The following BSN variants were observed in gnomAD, a reference collection of about 807,000 sequenced individuals.
BSN encodes the protein protein bassoon.
In BSN, 57 loss-of-function variants were observed where a neutral mutation model predicts 264.8. The observed-to-expected ratio is 0.22, with a 90% CI of 0.17 to 0.27. BSN has a LOEUF of 0.27. BSN is among the 10% of genes least tolerant of loss of function. The pLI, the probability that BSN is intolerant of heterozygous loss-of-function variation, is 1.00. For synonymous variants in BSN, 2,059 were observed against 2,137.3 expected (o/e 0.96, Z 1.01); for missense variants, 4,615 against 5,232.5 (o/e 0.88, Z 3.64).
chr3:49,581,901 C>T (rs548701646), intron 1 of BSN, among the ~76,000 whole-genome samples: 5 of 152,112 alleles, frequency 3.3e-5, no homozygotes, highest in Admixed American at 2.6e-4. Flanking sequence ...TGGAACATAT[C>T]CCCTGAGGAT....
chr3:49,575,662 A>G (rs35671732), intron 1 of BSN, among the ~76,000 whole-genome samples: 2,740 of 93,090 alleles, frequency 0.029, 45 homozygotes, highest in African/African-American at 0.056. Flanking sequence ...GTGTGTGTAT[A>G]TATATATATA....
chr3:49,615,282 T>C (rs2052250978), intron 1 of BSN, among the ~76,000 whole-genome samples: 2 of 152,144 alleles, frequency 1.3e-5, no homozygotes, highest in Admixed American at 6.5e-5. Context: ...GGTTCCTTCA[T>C]GTGGGTTTGT....
chr3:49,591,640 CA>C (rs1421598714), intron 1 of BSN, among the ~76,000 whole-genome samples: 2 of 152,014 alleles, frequency 1.3e-5, no homozygotes, highest in African/African-American at 4.8e-5. Flanking sequence ...CTCTGTCACC[CA>C]GGCTGTAGTG....
chr3:49,605,766 A>T (rs1308046698), intron 1 of BSN, among the ~76,000 whole-genome samples: 1 of 79,078 alleles, frequency 1.3e-5, no homozygotes, highest in African/African-American at 5.1e-5. Flanking sequence ...AAATATATAT[A>T]AAAATATATA....
chr3:49,660,600 G>A lies in BSN; in HGVS notation c.8755G>A (p.Ala2919Thr), dbSNP rs2052645579. 1 of 1,612,680 alleles carries A rather than the reference G, an allele frequency of 6.2e-7. No individual in the cohort carries two copies. Among genetic ancestry groups the A allele is most frequent in the Non-Finnish European group, 8.5e-7 (1 of 1,179,698 alleles). ...TGGCCAGGCCTCCCCACAGCTGTAT[G>A]CAGCCAGCCTGCTGCAGCGAGGGCT... ...LAGQASPQLY[A>T]ASLLQRGLTG... Residue 2919 changes from alanine (A) to threonine (T), a missense_variant, in exon 6 of 12, where the codon GCA becomes ACA. Around this residue, in one of 3 missense-constraint regions of BSN, gnomAD observed 3,415 missense variants for 3,866.4 expected, o/e 0.88. Coordinates refer to ENST00000296452, the MANE Select transcript of BSN (RefSeq NM_003458.4). The surrounding 1 kb of genome is among the most constrained non-coding windows in gnomAD (Gnocchi z 7.1).
At chr3:49,673,099 T>TTTTTTTTTTTTTG (rs2052849862), downstream of BSN, among the ~76,000 whole-genome samples, 1 of 130,448 alleles carries the variant, frequency 7.7e-6, no homozygotes, top group African/African-American at 2.9e-5. Context: ...TTTTTTTTTT[T>TTTTTTTTTTTTTG]TTTTTTTTTT....
intron 1 of BSN, among the ~76,000 whole-genome samples, chr3:49,624,317 T>TTTTTTTTTTTTTTG (rs1559607969): frequency 3.1e-5 from 4 of 127,870 alleles, no homozygotes; most frequent in Admixed American, 1.6e-4. Context: ...TTTTTTTTTT[T>TTTTTTTTTTTTTTG]AGACAGGGTC....
intron 1 of BSN, among the ~76,000 whole-genome samples, chr3:49,605,996 ATATT>A (rs1354332060): frequency 4.3e-5 from 4 of 93,064 alleles, no homozygotes; most frequent in Non-Finnish European, 7.3e-5. Context: ...TAAAAAATAT[ATATT>A]TATATATACA....
rs1241840026 is a variant in BSN at position 49,655,994 on chromosome 3, T to C, written c.6438T>C (p.Pro2146=). The change falls in exon 5 of 12, where the codon CCT becomes CCC. Residue 2146 remains proline, a synonymous_variant. Transcript: ENST00000296452. ...CACAGAGTCTGGTTCCCCTCAGACC[T>C]GGACTCCTTGGTAACCCCACCTTTC... ...SAPQSLVPLR[P]GLLGNPTFPE... is the part of the protein sequence containing the mutation. The C allele has an allele frequency of 4.4e-6, 7 of 1,605,166 alleles. No individual in the cohort carries two copies. The highest frequency in any genetic ancestry group is 8.5e-7 in the Non-Finnish European group (1 of 1,176,076).
At chr3:49,592,421 A>AT (rs1417104708) in intron 1 of BSN, among the ~76,000 whole-genome samples, 1 of 149,352 alleles carries the variant, frequency 6.7e-6, no homozygotes, top group Non-Finnish European at 1.5e-5. Context: ...TTATTTCTCA[A>AT]TTTTTTAAAA....
chr3:49,637,243 TG>T (rs529271960), intron 2 of BSN, among the ~76,000 whole-genome samples: 1 of 151,898 alleles, frequency 6.6e-6, no homozygotes, highest in Non-Finnish European at 1.5e-5. Context: ...TCCTTGCTGC[TG>T]GGGGGGTGAG....
At position 49,660,343 on chromosome 3, in the gene BSN, C is replaced by T; in HGVS notation, c.8641-143C>T. The T allele has an allele frequency of 1.3e-6, 2 of 1,487,504 alleles. No individual in the cohort carries two copies. The highest frequency in any genetic ancestry group is 2.9e-5 in the South Asian group (2 of 69,766). The allele number at this position is 1,487,504 out of a possible 1,614,324, so 92.1% of individuals were successfully genotyped here. ...AGGCCTATGGGTGGGCAGGGTAGGC[C>T]TCCAGGCTGCCTGGTAAATCAGGGC... On this transcript the variant is annotated intron_variant, in intron 5 of 11. Transcript: ENST00000296452. The surrounding 1 kb of genome is among the most constrained non-coding windows in gnomAD (Gnocchi z 7.1).
intron 11 of BSN, among the ~76,000 whole-genome samples, chr3:49,667,324 A>G (rs2052719869): frequency 6.6e-6 from 1 of 151,794 alleles, no homozygotes; most frequent in Non-Finnish European, 1.5e-5. Context: ...AAAAAAAAAA[A>G]AAGGAACTTT....
rs1037695184 is a variant in BSN, at chr3:49,670,663, A to C, written c.*3178A>C. The C allele has an allele frequency of 2.6e-5, 4 of 152,346 alleles. No individual in the cohort carries two copies. Among genetic ancestry groups the C allele is most frequent in the African/African-American group, 9.6e-5 (4 of 41,462 alleles). 9.4% of individuals were successfully genotyped at this position (152,346 alleles called of 1,614,324 possible). On this transcript the variant is annotated 3_prime_UTR_variant, in exon 12 of 12. Coordinates refer to ENST00000296452, the MANE Select transcript of BSN (RefSeq NM_003458.4). ...TCCAAATGGGCAAGGAGTCTCTAGCATGCAGCCCAGGCCTTCTCCATACCC... is the reference window on the plus strand; with the variant it reads ...TCCAAATGGGCAAGGAGTCTCTAGCCTGCAGCCCAGGCCTTCTCCATACCC...
Position 49,652,092 on chromosome 3 carries a change from C to T in BSN, c.2536C>T (p.Gln846Ter). ...GACTGATGAGGATTTCATGCGACGG[C>T]AGATTCTCGAGATGAGCGCCGAGGA... ...ELTDEDFMRR[Q>*]ILEMSAEEDN... Residue 846 changes from glutamine to a stop codon, truncating the protein, a stop_gained, in exon 5 of 12, where the codon CAG becomes TAG. Transcript: ENST00000296452. LOFTEE classifies it high-confidence loss of function. 6.2e-7 allele frequency: 1 copy of T among 1,610,848 alleles called. No individual in the cohort carries two copies. Among genetic ancestry groups the T allele is most frequent in the Non-Finnish European group, 8.5e-7 (1 of 1,177,620 alleles).
At chr3:49,647,706 T>C (rs1033699165) in intron 3 of BSN, among the ~76,000 whole-genome samples, 4 of 152,042 alleles carry the variant, frequency 2.6e-5, no homozygotes, top group Admixed American at 1.3e-4. Context: ...AAAATGAGAA[T>C]AGAATGAATA....
chr3:49,660,652 C>T lies in BSN; in HGVS notation c.8807C>T (p.Thr2936Ile). The change falls in exon 6 of 12, where the codon ACC (threonine) becomes ATC (isoleucine). Residue 2936 changes from threonine (T) to isoleucine (I), a missense_variant. By Grantham distance (89) the Thr-to-Ile change is moderately conservative (BLOSUM62 -1). This residue lies in a region of BSN where 3,415 missense variants were observed against 3,866.4 expected (regional missense o/e 0.88). Coordinates refer to ENST00000296452, the MANE Select transcript of BSN (RefSeq NM_003458.4). The surrounding 1 kb of genome is among the most constrained non-coding windows in gnomAD (Gnocchi z 7.1). ...ACGGGGCCCACCACTGTCCCTGCTACCAAGGCCAGCCTGCTCCGGGAGCTG... is the reference window on the plus strand; with the variant it reads ...ACGGGGCCCACCACTGTCCCTGCTATCAAGGCCAGCCTGCTCCGGGAGCTG... ...GLTGPTTVPATKASLLRELDR... is the reference protein window; with the variant it reads ...GLTGPTTVPAIKASLLRELDR... 2 of 1,613,118 alleles carry T rather than the reference C, an allele frequency of 1.2e-6. No individual in the cohort carries two copies. Among genetic ancestry groups the T allele is most frequent in the Non-Finnish European group, 1.7e-6 (2 of 1,179,934 alleles).
In BSN at chr3:49,658,069, C is replaced by T. The variant is rs546341531; in HGVS notation, c.8513C>T (p.Thr2838Met). 21 of 1,613,400 alleles carry T rather than the reference C, an allele frequency of 1.3e-5. No homozygotes were observed. The highest frequency in any genetic ancestry group is 1.2e-4 in the African/African-American group (9 of 75,036). The stretch of plus-strand genomic sequence containing the variant: ...GCTGACAGCGCTCTCCGCCAGCAGA[C>T]GCTGCCTCGCCCCATGAAGACCCTG... ...FTADSALRQQ[T>M]LPRPMKTLQR... The change falls in exon 5 of 12, where the codon ACG becomes ATG. Residue 2838 changes from threonine to methionine, a missense_variant. Coordinates refer to ENST00000296452, the MANE Select transcript of BSN (RefSeq NM_003458.4).
intron 1 of BSN, among the ~76,000 whole-genome samples, chr3:49,609,180 C>T (rs191311567): frequency 1.0e-4 from 15 of 147,390 alleles, no homozygotes; most frequent in Non-Finnish European, 1.5e-4. Flanking sequence ...TAGCTTACTG[C>T]AACCTCAACC....
Sources: allele counts gnomAD v4.1 joint callset (sites outside exome capture counted in the v4.1 genomes callset), GRCh38; gene constraint gnomAD v4.1.1; regional missense constraint gnomAD v4.1.1; non-coding constraint Gnocchi (gnomAD v3.1); transcripts MANE v1.5; gene names NCBI Gene and HGNC (gene_info 2026-07-23, HGNC 2026-07-21).